The following GABRA3 variants were observed in gnomAD, a reference collection of about 807,000 sequenced individuals.
GABRA3 encodes gamma-aminobutyric acid receptor subunit alpha-3.
Under a neutral mutation model 30.1 loss-of-function variants are expected in GABRA3, and 10 were observed. That is an observed-to-expected ratio of 0.33 (90% CI 0.20 to 0.56). The LOEUF (loss-of-function observed/expected upper bound fraction) is 0.56. GABRA3 is among the 20% of genes least tolerant of loss of function. The probability of loss-of-function intolerance (pLI) is 0.89; values close to 1 mark genes in which losing one functional copy is unlikely to be tolerated. For synonymous variants in GABRA3, 151 were observed against 146.8 expected (o/e 1.03, Z -0.21); for missense variants, 233 against 392.0 (o/e 0.59, Z 3.42).
intron 4 of GABRA3, among the ~76,000 whole-genome samples, chrX:152,258,724 T>C (rs946741947): frequency 5.4e-5 from 6 of 111,726 alleles, no homozygotes; most frequent in Non-Finnish European, 9.4e-5. Context: ...AACCACCACT[T>C]ATGTTGACTT....
chrX:152,291,192 G>A (rs1196793177), intron 3 of GABRA3, among the ~76,000 whole-genome samples: 2 of 111,324 alleles, frequency 1.8e-5, no homozygotes, highest in Non-Finnish European at 3.8e-5. Context: ...TTATTTCGTT[G>A]AGCAATAGTT....
intron 2 of GABRA3, among the ~76,000 whole-genome samples, chrX:152,353,838 C>T (rs1940512653): frequency 9.0e-6 from 1 of 111,174 alleles, no homozygotes; most frequent in Admixed American, 9.6e-5. Flanking sequence ...GACAACCTTG[C>T]CTCCTGACAT....
chrX:152,265,544 G>A (rs1393136918), intron 4 of GABRA3, among the ~76,000 whole-genome samples: 2 of 110,941 alleles, frequency 1.8e-5, no homozygotes, highest in East Asian at 2.8e-4. Flanking sequence ...TACCAAAAAG[G>A]AAGAAAAACT....
chrX:152,314,427 T>A (rs915216660), intron 3 of GABRA3, among the ~76,000 whole-genome samples: 1 of 112,375 alleles, frequency 8.9e-6, no homozygotes, highest in Non-Finnish European at 1.9e-5. Flanking sequence ...GTAAGTAAGA[T>A]CTTATCACTT....
intron 8 of GABRA3, among the ~76,000 whole-genome samples, chrX:152,194,715 T>C (rs998331213): frequency 2.7e-5 from 3 of 111,780 alleles, no homozygotes; most frequent in African/African-American, 9.8e-5. Flanking sequence ...ATCTTTATCA[T>C]AAATCAAGTT....
At chrX:152,193,770 G>A (rs905571833) in intron 8 of GABRA3, among the ~76,000 whole-genome samples, 3 of 111,710 alleles carry the variant, frequency 2.7e-5, no homozygotes, top group African/African-American at 6.5e-5. Context: ...AGGCTGAGGC[G>A]GGTGGATCAC....
chrX:152,241,264 G>C (rs1438099003), intron 5 of GABRA3, among the ~76,000 whole-genome samples: 28 of 93,989 alleles, frequency 3.0e-4, no homozygotes, highest in Non-Finnish European at 4.2e-4. Context: ...GCAGTGTGAG[G>C]TGTCAGTGTG....
At chrX:152,278,341 T>C (rs1295447806) in intron 4 of GABRA3, among the ~76,000 whole-genome samples, 1 of 105,438 alleles carries the variant, frequency 9.5e-6, no homozygotes, top group Non-Finnish European at 1.9e-5. Context: ...TTCCCACCTA[T>C]GAGTGAGAAC....
At chrX:152,397,499 C>T (rs1465363147) in intron 1 of GABRA3, among the ~76,000 whole-genome samples, 1 of 111,326 alleles carries the variant, frequency 9.0e-6, no homozygotes, top group Non-Finnish European at 1.9e-5. Context: ...TTGATCACAT[C>T]AAAACTCTAG....
intron 3 of GABRA3, among the ~76,000 whole-genome samples, chrX:152,305,057 T>C (rs1231310678): frequency 8.9e-6 from 1 of 111,917 alleles, no homozygotes; most frequent in Non-Finnish European, 1.9e-5. Context: ...TTTTTCTTAT[T>C]TTCTTTTTAT....
intron 1 of GABRA3, among the ~76,000 whole-genome samples, chrX:152,419,439 A>G (rs1459631105): frequency 8.9e-6 from 1 of 111,990 alleles, no homozygotes; most frequent in East Asian, 2.8e-4. Context: ...GCATCATTAC[A>G]GATCCAATAG....
intron 2 of GABRA3, among the ~76,000 whole-genome samples, chrX:152,356,493 A>G (rs1940550960): frequency 8.9e-6 from 1 of 112,050 alleles, no homozygotes; most frequent in African/African-American, 3.2e-5. Context: ...CAAAAACTCT[A>G]TACTTTAAAA....
intron 6 of GABRA3, 137 bp from the exon 7 acceptor site, chrX:152,208,281 GTCCATCCATCCGTCCA>G: frequency 1.7e-6 from 1 of 585,408 alleles, no homozygotes; most frequent in Non-Finnish European, 2.7e-6. Context: ...TTCAACTGAA[GTCCATCCATCCGTCCA>G]TCCATCCATC....
chrX:152,400,596 C>T (rs1929770031), intron 1 of GABRA3, among the ~76,000 whole-genome samples: 1 of 111,688 alleles, frequency 9.0e-6, no homozygotes, highest in African/African-American at 3.3e-5. Flanking sequence ...TCTCTGTCCC[C>T]TAGTATTATC....
intron 2 of GABRA3, among the ~76,000 whole-genome samples, chrX:152,354,847 G>T (rs918552041): frequency 9.0e-6 from 1 of 111,299 alleles, no homozygotes; most frequent in African/African-American, 3.3e-5. Context: ...TCCCAAGTCT[G>T]GTTCTGAAAT....
intron 2 of GABRA3, among the ~76,000 whole-genome samples, chrX:152,358,638 T>G (rs754614283): frequency 1.1e-3 from 126 of 111,647 alleles, no homozygotes; most frequent in African/African-American, 4.0e-3. Context: ...AGGAGAATGC[T>G]TCCAGCTTTT....
intron 1 of GABRA3, among the ~76,000 whole-genome samples, chrX:152,418,249 A>T (rs946266396): frequency 7.2e-5 from 8 of 111,227 alleles, no homozygotes; most frequent in African/African-American, 2.6e-4. Flanking sequence ...TTTGAAATAC[A>T]TATTTAACCT....
chrX:152,235,505 AT>A (rs1165370835), intron 5 of GABRA3, among the ~76,000 whole-genome samples: 1 of 111,449 alleles, frequency 9.0e-6, no homozygotes, highest in East Asian at 2.8e-4. Flanking sequence ...CCAACAAACA[AT>A]TGTCAGAACT....
At position 152,415,662 on chromosome X, in the gene GABRA3, T is replaced by A. The variant is rs1273341884; in HGVS notation, c.-27+35484A>T. Among the ~76,000 whole-genome samples, 13 of 111,298 alleles carry A rather than the reference T, an allele frequency of 1.2e-4. No homozygotes were observed. In the Admixed American group the frequency reaches 1.2e-3, roughly 11 times the overall value. ...TTGCAATATAATAATATTAATGAAGTCTATGGCATAGTTAACATTGTACTA... is the reference window on the plus strand; with the variant it reads ...TTGCAATATAATAATATTAATGAAGACTATGGCATAGTTAACATTGTACTA... On this transcript the variant is annotated intron_variant, in intron 1 of 9. Transcript: ENST00000370314.
Sources: allele counts gnomAD v4.1 joint callset (sites outside exome capture counted in the v4.1 genomes callset), GRCh38; gene constraint gnomAD v4.1.1; transcripts MANE v1.5; gene names NCBI Gene and HGNC (gene_info 2026-07-23, HGNC 2026-07-21).